Variants in CNTNAP5 observed in about 807,000 individuals in gnomAD.
CNTNAP5 encodes contactin associated protein family member 5, also known as contactin-associated protein-like 5.
A neutral mutation model predicts 150.2 loss-of-function variants in CNTNAP5; 72 were observed. The ratio of observed to expected loss-of-function variants is 0.48; its 90% CI spans 0.40 to 0.58. The LOEUF (loss-of-function observed/expected upper bound fraction) is 0.58. CNTNAP5 is among the 20% of genes least tolerant of loss of function. CNTNAP5 has a pLI of 0.00. For synonymous variants in CNTNAP5, 672 were observed against 619.8 expected (o/e 1.08, Z -1.25); for missense variants, 1,636 against 1,626.2 (o/e 1.01, Z -0.10).
intron 6 of CNTNAP5, among the ~76,000 whole-genome samples, chr2:124,454,991 G>A (rs898821301): frequency 1.3e-5 from 2 of 151,688 alleles, no homozygotes; most frequent in Admixed American, 6.6e-5. Context: ...AGAAACTAGA[G>A]AAACAAGAAC....
At chr2:124,834,368 A>G (rs920840280) in intron 19 of CNTNAP5, among the ~76,000 whole-genome samples, 1 of 118,930 alleles carries the variant, frequency 8.4e-6, no homozygotes, top group Non-Finnish European at 1.7e-5. Context: ...TGATTCTGTT[A>G]TTTCATCTTA....
At chr2:124,734,564 G>A (rs2105130818) in intron 13 of CNTNAP5, among the ~76,000 whole-genome samples, 2 of 151,908 alleles carry the variant, frequency 1.3e-5, no homozygotes, top group South Asian at 2.1e-4. Context: ...GAGAAAAGTA[G>A]CATCATCACA....
At chr2:124,125,903 C>A (rs536903840) in intron 1 of CNTNAP5, among the ~76,000 whole-genome samples, 1 of 152,284 alleles carries the variant, frequency 6.6e-6, no homozygotes, top group East Asian at 1.9e-4. Context: ...CTCTGGGACA[C>A]ATTTAAAGCA....
At chr2:124,658,817 C>A (rs559775266) in intron 13 of CNTNAP5, among the ~76,000 whole-genome samples, 1 of 152,174 alleles carries the variant, frequency 6.6e-6, no homozygotes, top group South Asian at 2.1e-4. Flanking sequence ...ATTATACCAA[C>A]TACACAGATG....
intron 3 of CNTNAP5, among the ~76,000 whole-genome samples, chr2:124,263,291 C>T (rs1687510386): frequency 6.6e-6 from 1 of 152,128 alleles, no homozygotes. Flanking sequence ...CCTATTTCTC[C>T]ACATCCTCTC....
chr2:124,238,503 G>T lies in CNTNAP5; in HGVS notation c.188-3697G>T, dbSNP rs550451918. Among the ~76,000 whole-genome samples, 5 of 152,184 alleles carry T rather than the reference G, an allele frequency of 3.3e-5. No individual in the cohort carries two copies. The East Asian group carries it at 7.7e-4, about 24-fold the overall frequency. ...GCCTCCAAATCATTTTGGATCTTTT[G>T]TTTGTCAAACATTTAAACAATTCCA... On this transcript the variant is annotated intron_variant, in intron 2 of 23. Coordinates refer to ENST00000682447, the MANE Select transcript of CNTNAP5 (RefSeq NM_001367498.1).
chr2:124,410,682 G>A (rs1384779194), intron 3 of CNTNAP5, among the ~76,000 whole-genome samples: 3 of 151,538 alleles, frequency 2.0e-5, no homozygotes, highest in Admixed American at 1.3e-4. Context: ...TGAAACCAGC[G>A]AGAACAAAGA....
At chr2:124,594,836 T>C (rs1696785917) in intron 11 of CNTNAP5, among the ~76,000 whole-genome samples, 1 of 104,942 alleles carries the variant, frequency 9.5e-6, no homozygotes, top group African/African-American at 3.4e-5. Flanking sequence ...GTAATTCTCC[T>C]TGAAGAGGTC....
At chr2:124,539,944 T>G (rs1695339512) in intron 10 of CNTNAP5, among the ~76,000 whole-genome samples, 1 of 152,204 alleles carries the variant, frequency 6.6e-6, no homozygotes, top group South Asian at 2.1e-4. Context: ...CTAAGCCCAC[T>G]GCAGGGCTCT....
intron 12 of CNTNAP5, among the ~76,000 whole-genome samples, chr2:124,627,427 A>G (rs1211819869): frequency 1.3e-5 from 2 of 151,926 alleles, no homozygotes; most frequent in Admixed American, 1.3e-4. Context: ...GATATCCAGG[A>G]GAAAAGGGTC....
At chr2:124,447,421 A>G (rs879357523) in intron 6 of CNTNAP5, among the ~76,000 whole-genome samples, 36 of 152,192 alleles carry the variant, frequency 2.4e-4, no homozygotes, top group Admixed American at 4.6e-4. Flanking sequence ...GCTCTCTTGT[A>G]GAAGAGGTAC....
intron 10 of CNTNAP5, among the ~76,000 whole-genome samples, chr2:124,547,817 G>A (rs1695547853): frequency 6.6e-6 from 1 of 152,166 alleles, no homozygotes; most frequent in Non-Finnish European, 1.5e-5. Flanking sequence ...ATGAGGGAGG[G>A]TGAGTGAAAT....
intron 8 of CNTNAP5, among the ~76,000 whole-genome samples, chr2:124,523,735 A>G (rs1375367069): frequency 6.6e-6 from 1 of 152,160 alleles, no homozygotes; most frequent in African/African-American, 2.4e-5. Flanking sequence ...AACTTTGACA[A>G]TGTCTCCTAA....
At chr2:124,698,373 GAT>G (rs1269108120) in intron 13 of CNTNAP5, among the ~76,000 whole-genome samples, 6 of 30,254 alleles carry the variant, frequency 2.0e-4, no homozygotes, top group African/African-American at 6.8e-4. Flanking sequence ...TAGACGAGAG[GAT>G]ACACACACAC....
At chr2:124,566,249 G>A (rs973886205) in intron 11 of CNTNAP5, among the ~76,000 whole-genome samples, 1 of 152,162 alleles carries the variant, frequency 6.6e-6, no homozygotes, top group Non-Finnish European at 1.5e-5. Context: ...GAAGATTTAA[G>A]TCAAAACAAC....
intron 3 of CNTNAP5, among the ~76,000 whole-genome samples, chr2:124,281,615 T>C (rs1378168408): frequency 2.6e-5 from 4 of 152,188 alleles, no homozygotes; most frequent in African/African-American, 9.7e-5. Context: ...AGTGTCATCC[T>C]ACAGTTAAGC....
At chr2:124,181,438 C>G (rs1194364594) in intron 1 of CNTNAP5, among the ~76,000 whole-genome samples, 2 of 150,082 alleles carry the variant, frequency 1.3e-5, no homozygotes, top group Non-Finnish European at 3.0e-5. Flanking sequence ...TGCAAATAAC[C>G]CTATATTCAG....
At chr2:124,069,866 T>C (rs1005588083) in intron 1 of CNTNAP5, among the ~76,000 whole-genome samples, 2 of 152,134 alleles carry the variant, frequency 1.3e-5, no homozygotes, top group Non-Finnish European at 2.9e-5. Context: ...TAACTGGGAA[T>C]AGTAAGCGCA....
intron 19 of CNTNAP5, among the ~76,000 whole-genome samples, chr2:124,839,798 T>A (rs537379159): frequency 1.6e-4 from 24 of 152,134 alleles, no homozygotes; most frequent in Admixed American, 2.0e-4. Context: ...TCAACCCTTT[T>A]GTCTGAACTA....
Sources: allele counts gnomAD v4.1 joint callset (sites outside exome capture counted in the v4.1 genomes callset), GRCh38; gene constraint gnomAD v4.1.1; transcripts MANE v1.5; gene names NCBI Gene and HGNC (gene_info 2026-07-23, HGNC 2026-07-21).